Variants in STAT4 observed in about 807,000 individuals in gnomAD.
STAT4 encodes signal transducer and activator of transcription 4.
Under a neutral mutation model 110.5 loss-of-function variants are expected in STAT4, and 42 were observed. That is an observed-to-expected ratio of 0.38 (90% CI 0.30 to 0.49). STAT4 has a LOEUF of 0.49. Among genes scored for constraint, STAT4 ranks in the 20% least tolerant of loss-of-function variants. STAT4 has a pLI of 0.95. For missense variants in STAT4, 632 were observed against 887.9 expected (o/e 0.71, Z 3.66); for synonymous variants, 284 against 302.2 (o/e 0.94, Z 0.63).
At chr2:191,105,803 T>A (rs1307461749) in intron 3 of STAT4, among the ~76,000 whole-genome samples, 1 of 152,226 alleles carries the variant, frequency 6.6e-6, no homozygotes, top group Non-Finnish European at 1.5e-5. Context: ...GATGAACCTA[T>A]GAAGTCATTT....
intron 3 of STAT4, among the ~76,000 whole-genome samples, chr2:191,098,024 A>G (rs543880283): frequency 1.3e-5 from 2 of 152,346 alleles, no homozygotes; most frequent in African/African-American, 4.8e-5. Flanking sequence ...GCTCATTATC[A>G]CTAGTTGTCA....
At chr2:191,068,906 T>A (rs1257473197) in intron 6 of STAT4, among the ~76,000 whole-genome samples, 2 of 152,034 alleles carry the variant, frequency 1.3e-5, no homozygotes, top group African/African-American at 2.4e-5. Context: ...CCTTCATTTT[T>A]AAAAAACACC....
chr2:191,130,973 T>G (rs1198780960), intron 3 of STAT4, among the ~76,000 whole-genome samples: 1 of 151,432 alleles, frequency 6.6e-6, no homozygotes, highest in Non-Finnish European at 1.5e-5. Flanking sequence ...AAATTAAGTA[T>G]CTGAGTAAAG....
intron 3 of STAT4, chr2:191,131,405 CG>C (rs1300446065): frequency 6.5e-6 from 1 of 154,626 alleles, no homozygotes. Context: ...ACTACTGCTA[CG>C]CACATCTGTA....
Position 191,135,529 on chromosome 2 carries a change from AG to A in STAT4, c.273+11083del, listed in dbSNP as rs1253445507. Reference sequence around the variant, plus strand: ...CACTCTGTCGCCCAGGCTGGAGTGCAGTGGCGTGATCTCAGCTCACTGCAAC... The same window carrying A: ...CACTCTGTCGCCCAGGCTGGAGTGCATGGCGTGATCTCAGCTCACTGCAAC... On this transcript the variant is annotated intron_variant, in intron 3 of 23. Coordinates refer to ENST00000392320, the MANE Select transcript of STAT4 (RefSeq NM_003151.4). The surrounding 1 kb of genome is among the most constrained non-coding windows in gnomAD (Gnocchi z 4.8). Among the ~76,000 whole-genome samples, 1 of 152,200 alleles carries A rather than the reference AG, an allele frequency of 6.6e-6. No individual in the cohort carries two copies. The highest frequency in any genetic ancestry group is 2.4e-5 in the African/African-American group (1 of 41,444).
intron 7 of STAT4, 76 bp from the exon 8 acceptor site, chr2:191,065,034 G>T: frequency 7.2e-7 from 1 of 1,384,008 alleles, no homozygotes; most frequent in Non-Finnish European, 9.5e-7. Context: ...AAAACTATTT[G>T]ACCTGGTAGA....
chr2:191,119,639 A>G (rs1207052868), intron 3 of STAT4, among the ~76,000 whole-genome samples: 1 of 152,198 alleles, frequency 6.6e-6, no homozygotes, highest in Non-Finnish European at 1.5e-5. Context: ...CCCAATGAAA[A>G]TCCCTGCAGG....
At position 191,147,526 on chromosome 2, in the gene STAT4, T is replaced by A. The variant is rs573482963; in HGVS notation, c.128+550A>T. Among the ~76,000 whole-genome samples, 3 of 152,272 alleles carry A rather than the reference T, an allele frequency of 2.0e-5. No individual in the cohort carries two copies. The highest frequency in any genetic ancestry group is 7.2e-5 in the African/African-American group (3 of 41,570). On this transcript the variant is annotated intron_variant, in intron 2 of 23. Transcript: ENST00000392320. The surrounding 1 kb of genome is among the most constrained non-coding windows in gnomAD (Gnocchi z 4.1). The stretch of plus-strand genomic sequence containing the variant: ...TGGGGGTGGAGGACTAGGGAGTTAC[T>A]GTTTAAAGAGTACAGAGTTTCAGTT...
At chr2:191,109,359 A>G (rs1698366499) in intron 3 of STAT4, among the ~76,000 whole-genome samples, 1 of 151,892 alleles carries the variant, frequency 6.6e-6, no homozygotes, top group South Asian at 2.1e-4. Context: ...TTCCATTTGT[A>G]TAGCTAAGAA....
In STAT4 at chr2:191,039,305, G is replaced by T. The variant is rs758127803; in HGVS notation, c.1336-8C>A. The T allele has an allele frequency of 7.4e-6, 12 of 1,613,090 alleles. No individual in the cohort carries two copies. The African/African-American group carries it at 9.4e-5, about 13-fold the overall frequency. ...CACAGGCAATGAGCTGGTCTGGTTTGGGGGGAAAAAAGCATAGTTATTACA... is the reference window on the plus strand; with the variant it reads ...CACAGGCAATGAGCTGGTCTGGTTTTGGGGGAAAAAAGCATAGTTATTACA... On this transcript the variant is annotated splice_region_variant and splice_polypyrimidine_tract_variant and intron_variant, in intron 15 of 23. Coordinates refer to ENST00000392320, the MANE Select transcript of STAT4 (RefSeq NM_003151.4). This position sits in a 1 kb window ranked among gnomAD's most constrained non-coding sequence, Gnocchi z 4.7.
chr2:191,033,412 C>A lies in STAT4; in HGVS notation c.1852+78G>T. On this transcript the variant is annotated intron_variant, in intron 20 of 23. Transcript: ENST00000392320. The surrounding 1 kb of genome is among the most constrained non-coding windows in gnomAD (Gnocchi z 6.9). ...ATCACAGACAGATCAACACACCATA[C>A]ACTTCCAAAAACTGAAATCCCAGTA... The A allele has an allele frequency of 6.7e-7, 1 of 1,485,634 alleles. No homozygotes were observed. Among genetic ancestry groups the A allele is most frequent in the East Asian group, 2.3e-5 (1 of 42,702 alleles). 92.0% of individuals were successfully genotyped at this position (1,485,634 alleles called of 1,614,324 possible).
At chr2:191,085,068 G>T (rs1320042684) in intron 3 of STAT4, among the ~76,000 whole-genome samples, 1 of 150,684 alleles carries the variant, frequency 6.6e-6, no homozygotes, top group Non-Finnish European at 1.5e-5. Context: ...AAAAAAAAAT[G>T]GGAGAGAGAA....
rs762413725 is a variant in STAT4, at chr2:191,101,421, G to A, written c.274-25096C>T. 7.0e-4 allele frequency among the ~76,000 whole-genome samples: 106 copies of A among 151,842 alleles called. 4 individuals carry two copies. The highest frequency in any genetic ancestry group is 3.1e-4 in the Non-Finnish European group (21 of 67,948). ...ACTTCAATGTCATTAAAAATTGTTC[G>A]ACAACACTATTTTATTTTATTTTGT... On this transcript the variant is annotated intron_variant, in intron 3 of 23. Transcript: ENST00000392320.
Position 191,076,076 on chromosome 2 carries a change from A to C in STAT4, c.372+151T>G, listed in dbSNP as rs1574133110. The C allele has an allele frequency of 8.0e-6, 5 of 628,310 alleles. No homozygotes were observed. The East Asian group carries it at 1.1e-4, about 14-fold the overall frequency. The allele number at this position is 628,310 out of a possible 1,614,324, so 38.9% of individuals were successfully genotyped here. A position where few individuals can be genotyped will look rare whatever the true frequency, so the allele number is the denominator to read the frequency against. ...GCTGCATTGGCCAGACTGGTCTCAA[A>C]CTCTTGGCTTCAAATGATCCTCCCA... On this transcript the variant is annotated intron_variant, in intron 4 of 23. Transcript: ENST00000392320.
In STAT4 at chr2:191,146,876, A is replaced by G. The variant is rs550648878; in HGVS notation, c.129-119T>C. 1.0e-6 allele frequency: 1 copy of G among 972,234 alleles called. No individual in the cohort carries two copies. The highest frequency in any genetic ancestry group is 1.4e-6 in the Non-Finnish European group (1 of 728,140). The allele number at this position is 972,234 out of a possible 1,614,324, so 60.2% of individuals were successfully genotyped here. A position where few individuals can be genotyped will look rare whatever the true frequency, so the allele number is the denominator to read the frequency against. On this transcript the variant is annotated intron_variant, in intron 2 of 23. Transcript: ENST00000392320. The surrounding 1 kb of genome is among the most constrained non-coding windows in gnomAD (Gnocchi z 4.5). ...ATGGTGATAAGCATTTAAAAGTTTTAAAAAATTAAATTGTTAACATGAAGA... is the reference window on the plus strand; with the variant it reads ...ATGGTGATAAGCATTTAAAAGTTTTGAAAAATTAAATTGTTAACATGAAGA...
rs564254714 is a variant in STAT4, at chr2:191,104,269, G to A, written c.274-27944C>T. 1.5e-4 allele frequency among the ~76,000 whole-genome samples: 22 copies of A among 151,714 alleles called. No homozygotes were observed. The highest frequency in any genetic ancestry group is 4.1e-4 in the African/African-American group (17 of 41,380). Reference sequence around the variant, plus strand: ...TTCTTGTAATTAATTTGCATTACTCGTATAATTTTTAAAAACACTCTTTTT... The same window carrying A: ...TTCTTGTAATTAATTTGCATTACTCATATAATTTTTAAAAACACTCTTTTT... On this transcript the variant is annotated intron_variant, in intron 3 of 23. Transcript: ENST00000392320. The surrounding 1 kb of genome is among the most constrained non-coding windows in gnomAD (Gnocchi z 4.3).
Position 191,061,928 on chromosome 2 carries a change from A to C in STAT4, c.942-107T>G. On this transcript the variant is annotated intron_variant, in intron 9 of 23. Transcript: ENST00000392320. This position sits in a 1 kb window ranked among gnomAD's most constrained non-coding sequence, Gnocchi z 6.2. ...TCCACTCAAAGTCCAAATTTTCTAC[A>C]CTTAGAAGATATTCAAACCCCCAAT... is the stretch of plus-strand genomic sequence containing the variant. 2.1e-6 allele frequency: 2 copies of C among 943,022 alleles called. No individual in the cohort carries two copies. Among genetic ancestry groups the C allele is most frequent in the South Asian group, 2.8e-5 (2 of 71,200 alleles). The allele number at this position is 943,022 out of a possible 1,614,324, so 58.4% of individuals were successfully genotyped here. A position where few individuals can be genotyped will look rare whatever the true frequency, so the allele number is the denominator to read the frequency against.
At chr2:191,041,478 T>C (rs1696197324) in intron 14 of STAT4, 1 of 153,844 alleles carries the variant, frequency 6.5e-6, no homozygotes, top group Non-Finnish European at 1.4e-5. Flanking sequence ...ATTTACCAAA[T>C]GTTAATAAAA....
chr2:191,130,487 G>A (rs918252981), intron 3 of STAT4, among the ~76,000 whole-genome samples: 1 of 151,624 alleles, frequency 6.6e-6, no homozygotes, highest in Non-Finnish European at 1.5e-5. Context: ...CTCCCAAAGT[G>A]CTGGGATTAC....
Sources: gnomAD v4.1 joint callset for allele counts (sites outside exome capture counted in the v4.1 genomes callset) on GRCh38, gnomAD v4.1.1 for gene constraint, Gnocchi (gnomAD v3.1) non-coding constraint, MANE v1.5 for transcripts, NCBI Gene and HGNC (gene_info 2026-07-23, HGNC 2026-07-21) for gene names.